GALNTL6: variants seen among roughly 807,000 people sequenced by gnomAD.
The protein encoded by GALNTL6 is polypeptide N-acetylgalactosaminyltransferase like 6, also known as polypeptide N-acetylgalactosaminyltransferase-like 6.
Under a neutral mutation model 73.7 loss-of-function variants are expected in GALNTL6, and 46 were observed. The ratio of observed to expected loss-of-function variants is 0.62; its 90% CI spans 0.49 to 0.80. GALNTL6 has a LOEUF of 0.80. Ranked by LOEUF, GALNTL6 falls within the 30% of genes least tolerant of loss-of-function variation. GALNTL6 has a pLI of 0.00. For missense variants in GALNTL6, 604 were observed against 755.0 expected (o/e 0.80, Z 2.34); for synonymous variants, 259 against 263.7 (o/e 0.98, Z 0.17).
chr4:172,609,825 A>ATT (rs145429528), intron 5 of GALNTL6, among the ~76,000 whole-genome samples: 31 of 146,980 alleles, frequency 2.1e-4, no homozygotes, highest in African/African-American at 7.3e-4. Context: ...CTGGTCCTGG[A>ATT]TTTTTTTTTT....
In GALNTL6 at chr4:172,968,373, C is replaced by T. The variant is rs753377186; in HGVS notation, c.1371+16115C>T. ...GAATTAAAAGACCCTCTCACAGGCT[C>T]CAAGCTGAGGCCAATGCAAAGAGAC... On this transcript the variant is annotated intron_variant, in intron 10 of 12. Coordinates refer to ENST00000506823, the MANE Select transcript of GALNTL6 (RefSeq NM_001034845.3). 1.2e-4 allele frequency among the ~76,000 whole-genome samples: 18 copies of T among 152,154 alleles called. 1 individual carries two copies. The highest frequency in any genetic ancestry group is 1.9e-4 in the Non-Finnish European group (13 of 68,032).
chr4:171,852,271 A>C (rs533702406), intron 2 of GALNTL6, among the ~76,000 whole-genome samples: 43 of 152,284 alleles, frequency 2.8e-4, no homozygotes, highest in African/African-American at 1.0e-3. Flanking sequence ...CTATTTATGA[A>C]CAATTGGCTC....
At chr4:172,083,012 C>A (rs1277722929) in intron 2 of GALNTL6, among the ~76,000 whole-genome samples, 1 of 151,924 alleles carries the variant, frequency 6.6e-6, no homozygotes, top group Non-Finnish European at 1.5e-5. Flanking sequence ...CTGGAATCTT[C>A]TTCCTCTCAG....
At chr4:172,711,269 G>A (rs1197031981) in intron 5 of GALNTL6, among the ~76,000 whole-genome samples, 1 of 152,144 alleles carries the variant, frequency 6.6e-6, no homozygotes, top group Admixed American at 6.5e-5. Flanking sequence ...GGAACGCCGC[G>A]TACACATGTC....
chr4:171,941,786 C>T (rs1213210311), intron 2 of GALNTL6, among the ~76,000 whole-genome samples: 1 of 152,010 alleles, frequency 6.6e-6, no homozygotes, highest in African/African-American at 2.4e-5. Context: ...AGTTGGAGAC[C>T]CTTCTAAGCA....
At chr4:172,258,794 T>C (rs962768618) in intron 3 of GALNTL6, among the ~76,000 whole-genome samples, 8 of 151,334 alleles carry the variant, frequency 5.3e-5, no homozygotes, top group African/African-American at 1.2e-4. Context: ...ATCATTCTTA[T>C]GCCTCTGAGT....
At chr4:172,116,865 C>A (rs1721810483) in intron 2 of GALNTL6, among the ~76,000 whole-genome samples, 1 of 151,944 alleles carries the variant, frequency 6.6e-6, no homozygotes, top group South Asian at 2.1e-4. Flanking sequence ...AGCTTTTTGT[C>A]TTATTTTGCT....
At chr4:171,952,351 A>G (rs1385270545) in intron 2 of GALNTL6, among the ~76,000 whole-genome samples, 1 of 152,054 alleles carries the variant, frequency 6.6e-6, no homozygotes, top group Non-Finnish European at 1.5e-5. Context: ...TTCACTAAAT[A>G]TTCAAGCAAC....
At chr4:171,897,487 C>T (rs1283474236) in intron 2 of GALNTL6, among the ~76,000 whole-genome samples, 3 of 152,046 alleles carry the variant, frequency 2.0e-5, no homozygotes, top group African/African-American at 7.2e-5. Flanking sequence ...TGGACTTTAT[C>T]CAAATTAAAA....
rs543059776 is a variant in GALNTL6 at position 172,672,910 on chromosome 4, C to G, written c.554-136451C>G. Among the ~76,000 whole-genome samples the G allele has an allele frequency of 1.9e-3, 290 of 152,120 alleles. 1 individual carries two copies. Among genetic ancestry groups the G allele is most frequent in the Non-Finnish European group, 3.6e-3 (243 of 67,980 alleles). ...CTAATTGTGTTTATTTGAATCTTCT[C>G]TATTTTCTTCTTTATTATCTAGATA... On this transcript the variant is annotated intron_variant, in intron 5 of 12. Coordinates refer to ENST00000506823, the MANE Select transcript of GALNTL6 (RefSeq NM_001034845.3).
At chr4:172,652,224 C>T (rs146413696) in intron 5 of GALNTL6, among the ~76,000 whole-genome samples, 81 of 152,262 alleles carry the variant, frequency 5.3e-4, no homozygotes, top group African/African-American at 1.8e-3. Context: ...GTTGCAATCT[C>T]CAAATTCAGG....
rs916866098 is a variant in GALNTL6, at chr4:172,016,862, T to C, written c.138+202144T>C. Among the ~76,000 whole-genome samples the C allele has an allele frequency of 5.3e-5, 8 of 152,248 alleles. No individual in the cohort carries two copies. The East Asian group carries it at 1.5e-3, about 29-fold the overall frequency. ...ACACTCTGTATGAGATCCTTAGTTA[T>C]AGAGAGTCTTTATGTGCTGGCTTTC... On this transcript the variant is annotated intron_variant, in intron 2 of 12. Coordinates refer to ENST00000506823, the MANE Select transcript of GALNTL6 (RefSeq NM_001034845.3).
chr4:172,575,960 G>A (rs1199300578), intron 5 of GALNTL6, among the ~76,000 whole-genome samples: 1 of 151,974 alleles, frequency 6.6e-6, no homozygotes, highest in Non-Finnish European at 1.5e-5. Flanking sequence ...GTTGTTGACT[G>A]GAGCTTTCAC....
chr4:172,280,546 A>G (rs184154130), intron 3 of GALNTL6, among the ~76,000 whole-genome samples: 81 of 151,896 alleles, frequency 5.3e-4, no homozygotes, highest in African/African-American at 1.9e-3. Context: ...AACCATCCAG[A>G]GTTCAAGACT....
chr4:172,614,156 T>C (rs1160382230), intron 5 of GALNTL6, among the ~76,000 whole-genome samples: 1 of 148,728 alleles, frequency 6.7e-6, no homozygotes, highest in Non-Finnish European at 1.5e-5. Flanking sequence ...TCATTCTGTC[T>C]ATCATCTATC....
intron 2 of GALNTL6, among the ~76,000 whole-genome samples, chr4:172,123,864 G>A (rs1733220921): frequency 6.6e-6 from 1 of 152,076 alleles, no homozygotes; most frequent in Non-Finnish European, 1.5e-5. Flanking sequence ...GCTTGATATT[G>A]TTTGGAAGTT....
chr4:172,732,826 C>A (rs140203648), intron 5 of GALNTL6, among the ~76,000 whole-genome samples: 145 of 152,242 alleles, frequency 9.5e-4, no homozygotes, highest in African/African-American at 3.4e-3. Flanking sequence ...GGCAAAAAAA[C>A]CCACAAACAC....
In GALNTL6 at chr4:172,914,027, G is replaced by T. The variant is rs566457179; in HGVS notation, c.1042-17134G>T. On this transcript the variant is annotated intron_variant, in intron 8 of 12. Coordinates refer to ENST00000506823, the MANE Select transcript of GALNTL6 (RefSeq NM_001034845.3). Reference sequence around the variant, plus strand: ...GTTACCCACAAAGGGAAGCCCATCAGACTAACAGCTAATCTCTCAGCAGAA... The same window carrying T: ...GTTACCCACAAAGGGAAGCCCATCATACTAACAGCTAATCTCTCAGCAGAA... Among the ~76,000 whole-genome samples, 569 of 152,320 alleles carry T rather than the reference G, an allele frequency of 3.7e-3. 5 individuals carry two copies. The highest frequency in any genetic ancestry group is 0.012 in the African/African-American group (519 of 41,568).
intron 5 of GALNTL6, among the ~76,000 whole-genome samples, chr4:172,612,497 G>T (rs1189388166): frequency 1.3e-5 from 2 of 152,044 alleles, no homozygotes; most frequent in Admixed American, 6.6e-5. Flanking sequence ...TTCTCCAGAT[G>T]TTTCCTCACA....
Sources: gnomAD v4.1 joint callset for allele counts (sites outside exome capture counted in the v4.1 genomes callset) on GRCh38, gnomAD v4.1.1 for gene constraint, MANE v1.5 for transcripts, NCBI Gene and HGNC (gene_info 2026-07-23, HGNC 2026-07-21) for gene names.